FBLN5: variants seen among roughly 807,000 people sequenced by gnomAD.
FBLN5 encodes the protein fibulin 5, also known as fibulin-5.
In FBLN5, 24 loss-of-function variants were observed where a neutral mutation model predicts 61.6. The ratio of observed to expected loss-of-function variants is 0.39; its 90% confidence interval spans 0.28 to 0.55. FBLN5 has a LOEUF of 0.55. Ranked by LOEUF, FBLN5 falls within the 20% of genes least tolerant of loss-of-function variation. The probability of loss-of-function intolerance (pLI) is 0.65; values close to 1 mark genes in which losing one functional copy is unlikely to be tolerated. For synonymous variants in FBLN5, 213 were observed against 219.8 expected (o/e 0.97, Z 0.27); for missense variants, 470 against 594.1 (o/e 0.79, Z 2.17).
chr14:91,895,797 CA>C (rs60216411), intron 4 of FBLN5, among the ~76,000 whole-genome samples: 15,432 of 63,006 alleles, frequency 0.24, 468 homozygotes, highest in Middle Eastern at 0.39. Flanking sequence ...GACCCTGTCT[CA>C]AAAAAAAAAA....
chr14:91,909,206 C>T (rs1055309710), intron 4 of FBLN5, among the ~76,000 whole-genome samples: 18 of 152,062 alleles, frequency 1.2e-4, no homozygotes, highest in East Asian at 3.9e-4. Flanking sequence ...TGTGAGCCAC[C>T]GCGCCCGGCC....
At chr14:91,924,558 T>C (rs1359245647) in intron 4 of FBLN5, among the ~76,000 whole-genome samples, 1 of 151,900 alleles carries the variant, frequency 6.6e-6, no homozygotes, top group East Asian at 1.9e-4. Flanking sequence ...AGCACACACC[T>C]GTAGTCCCAG....
At position 91,937,178 on chromosome 14, in the gene FBLN5, G is replaced by T. The variant is rs763626359; in HGVS notation, c.148C>A (p.Pro50Thr). ...ATCATGTCTCCTCGGCAGGCCTCGG[G>T]GATGGTTCGGCATTCATCAATATCT... ...CLDIDECRTIPEACRGDMMCV... is the reference protein window; with the variant it reads ...CLDIDECRTITEACRGDMMCV... Residue 50 changes from proline (P) to threonine (T), a missense_variant, in exon 4 of 11, where the codon CCC (proline) becomes ACC (threonine). Transcript: ENST00000342058. The T allele has an allele frequency of 1.2e-6, 2 of 1,614,098 alleles. No homozygotes were observed. The highest frequency in any genetic ancestry group is 2.2e-5 in the South Asian group (2 of 91,070).
intron 4 of FBLN5, among the ~76,000 whole-genome samples, chr14:91,936,464 T>C (rs1002427142): frequency 2.0e-5 from 3 of 152,190 alleles, no homozygotes; most frequent in African/African-American, 7.2e-5. Flanking sequence ...CTAATTTTCT[T>C]TCCAGAACAG....
chr14:91,911,394 G>A (rs1890926976), intron 4 of FBLN5, among the ~76,000 whole-genome samples: 1 of 152,188 alleles, frequency 6.6e-6, no homozygotes, highest in Admixed American at 6.5e-5. Flanking sequence ...AATTCATGGG[G>A]TTTTGTGAGA....
chr14:91,884,168 C>T (rs1263420386), intron 7 of FBLN5, among the ~76,000 whole-genome samples: 1 of 152,176 alleles, frequency 6.6e-6, no homozygotes, highest in African/African-American at 2.4e-5. Flanking sequence ...TGTTACACGC[C>T]TTGTGCCTCT....
intron 4 of FBLN5, among the ~76,000 whole-genome samples, chr14:91,917,042 A>G (rs928168888): frequency 6.6e-6 from 1 of 152,222 alleles, no homozygotes; most frequent in Non-Finnish European, 1.5e-5. Flanking sequence ...CTAGAGCCCA[A>G]CTATGACCTT....
chr14:91,887,086 A>G (rs1209929299), intron 7 of FBLN5, 107 bp downstream of exon 7: 1 of 1,251,470 alleles, frequency 8.0e-7, no homozygotes, highest in African/African-American at 1.5e-5. Flanking sequence ...CAAACTGGAC[A>G]TGTGTCCAGG....
At chr14:91,932,606 A>G (rs1210766216) in intron 4 of FBLN5, among the ~76,000 whole-genome samples, 1 of 152,272 alleles carries the variant, frequency 6.6e-6, no homozygotes, top group Non-Finnish European at 1.5e-5. Flanking sequence ...GTGCATGAAG[A>G]GGGCAAAAGA....
intron 4 of FBLN5, among the ~76,000 whole-genome samples, chr14:91,907,078 C>T (rs1890714709): frequency 6.6e-6 from 1 of 152,170 alleles, no homozygotes; most frequent in Non-Finnish European, 1.5e-5. Context: ...CTATCATCTG[C>T]CAATATCTAT....
At chr14:91,941,374 A>G (rs547133472) in intron 2 of FBLN5, among the ~76,000 whole-genome samples, 26 of 152,274 alleles carry the variant, frequency 1.7e-4, no homozygotes, top group African/African-American at 5.3e-4. Context: ...TTTACATACA[A>G]CTTGAGCTAC....
intron 4 of FBLN5, among the ~76,000 whole-genome samples, chr14:91,936,567 A>C (rs142527703): frequency 6.6e-6 from 1 of 152,330 alleles, no homozygotes; most frequent in African/African-American, 2.4e-5. Flanking sequence ...CCCTGTCTAG[A>C]ACTTCCTCTG....
At chr14:91,905,179 CAGTGAG>C (rs1275200825) in intron 4 of FBLN5, among the ~76,000 whole-genome samples, 3 of 152,196 alleles carry the variant, frequency 2.0e-5, no homozygotes, top group African/African-American at 7.2e-5. Flanking sequence ...CCCATGCCTG[CAGTGAG>C]AAGACCCTGC....
intron 4 of FBLN5, among the ~76,000 whole-genome samples, chr14:91,920,692 G>A (rs1244373384): frequency 6.6e-6 from 1 of 152,092 alleles, no homozygotes; most frequent in Non-Finnish European, 1.5e-5. Flanking sequence ...TCAGTCCATA[G>A]CAGCCTTGTG....
intron 2 of FBLN5, chr14:91,942,197 G>C (rs758473778): frequency 2.2e-6 from 1 of 455,954 alleles, no homozygotes; most frequent in South Asian, 1.5e-5. Context: ...ATAAAGTCCA[G>C]GATGCTGCAA....
chr14:91,883,361 A>G (rs777490984), intron 7 of FBLN5, among the ~76,000 whole-genome samples: 9 of 152,114 alleles, frequency 5.9e-5, no homozygotes, highest in Non-Finnish European at 1.2e-4. Context: ...ACTCGGCTGC[A>G]CCTTCCATTC....
intron 5 of FBLN5, among the ~76,000 whole-genome samples, chr14:91,893,615 A>T (rs1295485932): frequency 6.6e-6 from 1 of 152,254 alleles, no homozygotes; most frequent in Non-Finnish European, 1.5e-5. Context: ...TAGAAAACAC[A>T]GCATAGAAAT....
chr14:91,875,249 C>T (rs1315545647), intron 10 of FBLN5, among the ~76,000 whole-genome samples: 1 of 152,118 alleles, frequency 6.6e-6, no homozygotes, highest in Non-Finnish European at 1.5e-5. Flanking sequence ...GAAAGTGGTA[C>T]CAGACTGTCT....
rs568364021 is a variant in FBLN5 at position 91,906,053 on chromosome 14, A to C, written c.380-10981T>G. 3.9e-5 allele frequency among the ~76,000 whole-genome samples: 6 copies of C among 151,906 alleles called. No homozygotes were observed. In the South Asian group the frequency reaches 1.2e-3, roughly 32 times the overall value. ...AGGCATGTGCCACCACACCCAGCTA[A>C]TTTTTGTATTTTCAGTAGAGACAGG... On this transcript the variant is annotated intron_variant, in intron 4 of 10. Coordinates refer to ENST00000342058, the MANE Select transcript of FBLN5 (RefSeq NM_006329.4).
Sources: gnomAD v4.1 joint callset for allele counts (sites outside exome capture counted in the v4.1 genomes callset) on GRCh38, gnomAD v4.1.1 for gene constraint, MANE v1.5 for transcripts, NCBI Gene and HGNC (gene_info 2026-07-23, HGNC 2026-07-21) for gene names.